TRPM7: variants seen among roughly 807,000 people sequenced by gnomAD.
The protein encoded by TRPM7 is LTRPC ion channel family member 7.
TRPM7 carries 134 observed loss-of-function variants against 229.7 expected under a neutral mutation model. The observed-to-expected ratio is 0.58, with a 90% CI of 0.51 to 0.67. The LOEUF (loss-of-function observed/expected upper bound fraction) is 0.67. Ranked by LOEUF, TRPM7 falls within the 30% of genes least tolerant of loss-of-function variation. The pLI is 0.00. For synonymous variants in TRPM7, 699 were observed against 715.2 expected (o/e 0.98, Z 0.36); for missense variants, 1,901 against 2,210.0 (o/e 0.86, Z 2.80).
At chr15:50,597,244 G>A (rs1453246134) in intron 22 of TRPM7, among the ~76,000 whole-genome samples, 2 of 152,160 alleles carry the variant, frequency 1.3e-5, no homozygotes, top group African/African-American at 2.4e-5. Flanking sequence ...AACAAGGAAA[G>A]GAAGAGCTTT....
chr15:50,658,919 C>A (rs2061655688), intron 2 of TRPM7, among the ~76,000 whole-genome samples: 1 of 152,192 alleles, frequency 6.6e-6, no homozygotes, highest in Admixed American at 6.5e-5. Context: ...AAACTAGTGG[C>A]CAGGCGCAGT....
At chr15:50,627,630 A>G (rs548438281) in intron 11 of TRPM7, among the ~76,000 whole-genome samples, 7 of 152,320 alleles carry the variant, frequency 4.6e-5, no homozygotes, top group African/African-American at 1.4e-4. Context: ...AGTGAAACCA[A>G]AAAGTATGCT....
intron 1 of TRPM7, among the ~76,000 whole-genome samples, chr15:50,679,511 A>ATATATATGTGTATATATATTATAT (rs2062184777): frequency 2.7e-5 from 2 of 75,456 alleles, no homozygotes; most frequent in African/African-American, 1.4e-4. Context: ...GTATATATAT[A>ATATATATGTGTATATATATTATAT]ATATATATAT....
chr15:50,614,052 A>ATTCTT (rs2060144182), intron 14 of TRPM7, 71 bp downstream of exon 14: 2 of 1,444,836 alleles, frequency 1.4e-6, no homozygotes, highest in Admixed American at 4.4e-5. Flanking sequence ...TCTAATGTTA[A>ATTCTT]TTCTTAACAA....
chr15:50,644,405 G>A (rs959212924), intron 4 of TRPM7, among the ~76,000 whole-genome samples: 1 of 152,248 alleles, frequency 6.6e-6, no homozygotes, highest in South Asian at 2.1e-4. Flanking sequence ...CAGACATTGA[G>A]ACATTTAAAA....
At chr15:50,673,077 A>C (rs928205707) in intron 1 of TRPM7, among the ~76,000 whole-genome samples, 4 of 152,064 alleles carry the variant, frequency 2.6e-5, no homozygotes, top group Admixed American at 6.6e-5. Context: ...TTTATTATTG[A>C]ATAAAAAAAT....
intron 11 of TRPM7, among the ~76,000 whole-genome samples, chr15:50,625,532 C>T (rs2140593427): frequency 6.6e-6 from 1 of 152,234 alleles, no homozygotes; most frequent in Middle Eastern, 3.4e-3. Flanking sequence ...CCTCAGCCTC[C>T]CACGTAGCTA....
chr15:50,610,008 C>A (rs2060025117), intron 17 of TRPM7, 47 bp from the exon 18 acceptor site: 2 of 1,281,002 alleles, frequency 1.6e-6, no homozygotes, highest in Admixed American at 2.3e-5. Context: ...TAATGACCTT[C>A]AAGAATATAA....
intron 1 of TRPM7, 149 bp downstream of exon 1, chr15:50,686,382 C>G: frequency 7.4e-7 from 1 of 1,348,440 alleles, no homozygotes; most frequent in Non-Finnish European, 1.1e-6. Flanking sequence ...CACACCCGTC[C>G]CGAGAGGACA....
intron 28 of TRPM7, among the ~76,000 whole-genome samples, chr15:50,584,616 G>GTTT (rs78772652): frequency 2.2e-4 from 30 of 133,918 alleles, no homozygotes; most frequent in African/African-American, 7.8e-4. Context: ...TCAGATTTCT[G>GTTT]TTTTTTTTTT....
At chr15:50,587,254 T>G (rs1384009400) in intron 27 of TRPM7, among the ~76,000 whole-genome samples, 1 of 152,100 alleles carries the variant, frequency 6.6e-6, no homozygotes, top group African/African-American at 2.4e-5. Context: ...GTTATCTATA[T>G]GCTCACTATT....
chr15:50,682,173 C>CAAAAAA (rs34590459), intron 1 of TRPM7, among the ~76,000 whole-genome samples: 3,620 of 63,376 alleles, frequency 0.057, 245 homozygotes, highest in African/African-American at 0.11. Context: ...AACTCAGTCT[C>CAAAAAA]AAAAAAAAAA....
intron 3 of TRPM7, among the ~76,000 whole-genome samples, chr15:50,656,469 T>C (rs896267667): frequency 1.3e-5 from 2 of 151,574 alleles, no homozygotes; most frequent in African/African-American, 4.8e-5. Flanking sequence ...AGGTACATGA[T>C]ACCATGCCAA....
chr15:50,607,931 T>A (rs147731802), intron 19 of TRPM7, among the ~76,000 whole-genome samples: 1 of 148,688 alleles, frequency 6.7e-6, no homozygotes, highest in African/African-American at 2.5e-5. Context: ...GGTGCATGCC[T>A]GCAATTCCAG....
intron 1 of TRPM7, among the ~76,000 whole-genome samples, chr15:50,671,672 T>C (rs2061990419): frequency 1.3e-5 from 2 of 151,926 alleles, no homozygotes; most frequent in Non-Finnish European, 2.9e-5. Flanking sequence ...TAGCCAAGCA[T>C]GTTGGTGCCT....
intron 33 of TRPM7, among the ~76,000 whole-genome samples, chr15:50,575,400 A>C (rs2054083239): frequency 6.6e-6 from 1 of 152,254 alleles, no homozygotes; most frequent in African/African-American, 2.4e-5. Flanking sequence ...AATTCTACAC[A>C]CTTCTGAATT....
chr15:50,686,427 C>T, intron 1 of TRPM7, 104 bp downstream of exon 1: 3 of 1,589,560 alleles, frequency 1.9e-6, no homozygotes, highest in Non-Finnish European at 1.7e-6. Context: ...GAGGGTCCTT[C>T]GCCGCATGGA....
At chr15:50,643,830 C>T (rs180805399) in intron 4 of TRPM7, among the ~76,000 whole-genome samples, 64 of 152,276 alleles carry the variant, frequency 4.2e-4, no homozygotes, top group African/African-American at 1.5e-3. Context: ...TTACCATTGA[C>T]CCAATTTACC....
intron 13 of TRPM7, among the ~76,000 whole-genome samples, chr15:50,619,229 T>G (rs1326185301): frequency 6.6e-6 from 1 of 151,302 alleles, no homozygotes; most frequent in Non-Finnish European, 1.5e-5. Flanking sequence ...TTTTCTTTTT[T>G]TTTTTTTTTG....
Sources: gnomAD v4.1 joint callset for allele counts (sites outside exome capture counted in the v4.1 genomes callset) on GRCh38, gnomAD v4.1.1 for gene constraint, MANE v1.5 for transcripts, NCBI Gene and HGNC (gene_info 2026-07-23, HGNC 2026-07-21) for gene names.